The following NCOA2 variants were observed in gnomAD, a reference collection of about 807,000 sequenced individuals.
The protein encoded by NCOA2 is nuclear receptor coactivator 2.
In NCOA2, 21 loss-of-function variants were observed where a neutral mutation model predicts 145.1. The ratio of observed to expected loss-of-function variants is 0.14; its 90% CI spans 0.10 to 0.21. The LOEUF is 0.21. NCOA2 is among the 10% of genes least tolerant of loss of function. The pLI, the probability that NCOA2 is intolerant of heterozygous loss-of-function variation, is 1.00. For missense variants in NCOA2, 1,472 were observed against 1,837.6 expected (o/e 0.80, Z 3.64); for synonymous variants, 619 against 637.5 (o/e 0.97, Z 0.44).
Position 70,110,747 on chromosome 8 carries a change from G to A in NCOA2, c.*2885C>T, listed in dbSNP as rs1806467442. The A allele has an allele frequency of 4.5e-6, 1 of 223,312 alleles. No homozygotes were observed. Among genetic ancestry groups the A allele is most frequent in the South Asian group, 1.8e-4 (1 of 5,430 alleles). The allele number at this position is 223,312 out of a possible 1,614,324, so 13.8% of individuals were successfully genotyped here. On this transcript the variant is annotated 3_prime_UTR_variant, in exon 23 of 23. Transcript: ENST00000452400. ...ACAGGCCATAAGAGATACACATAGG[G>A]GGAGGGGCATTTTAATCTTTGAGTC...
intron 7 of NCOA2, among the ~76,000 whole-genome samples, chr8:70,166,352 C>G (rs537344666): frequency 6.6e-6 from 1 of 152,222 alleles, no homozygotes; most frequent in Non-Finnish European, 1.5e-5. Flanking sequence ...CCACACCAGA[C>G]AGTGAAGATA....
At chr8:70,175,425 C>T (rs889269932) in intron 4 of NCOA2, among the ~76,000 whole-genome samples, 3 of 152,240 alleles carry the variant, frequency 2.0e-5, no homozygotes, top group African/African-American at 2.4e-5. Flanking sequence ...AGTGCTTCTC[C>T]ATCTAAGAGG....
At chr8:70,356,641 C>T (rs1351720276) in intron 1 of NCOA2, among the ~76,000 whole-genome samples, 1 of 152,184 alleles carries the variant, frequency 6.6e-6, no homozygotes, top group Non-Finnish European at 1.5e-5. Context: ...TTTAAAACTA[C>T]TGAACATCCC....
At chr8:70,168,313 CATTTT>C (rs1452446675) in intron 6 of NCOA2, among the ~76,000 whole-genome samples, 1 of 152,132 alleles carries the variant, frequency 6.6e-6, no homozygotes, top group Non-Finnish European at 1.5e-5. Flanking sequence ...TCAGCATCAG[CATTTT>C]ATTTTATTAT....
the NCOA2 span, among the ~76,000 whole-genome samples, chr8:70,439,834 C>T: frequency 6.6e-6 from 1 of 152,180 alleles, no homozygotes; most frequent in South Asian, 2.1e-4. Flanking sequence ...TTCAGGGCTG[C>T]CCCTGTCAGA....
chr8:70,346,576 T>C (rs1272571738), intron 1 of NCOA2, among the ~76,000 whole-genome samples: 1 of 152,198 alleles, frequency 6.6e-6, no homozygotes, highest in African/African-American at 2.4e-5. Flanking sequence ...AAGAACATCA[T>C]TTATCACACA....
chr8:70,124,395 G>T (rs1011507580), intron 20 of NCOA2, among the ~76,000 whole-genome samples: 2 of 151,322 alleles, frequency 1.3e-5, no homozygotes, highest in African/African-American at 4.9e-5. Context: ...TCATGCAAGC[G>T]ATATCAAGCA....
chr8:70,163,296 G>GT (rs978834883), intron 8 of NCOA2, among the ~76,000 whole-genome samples, 169 bp downstream of exon 8: 9 of 152,184 alleles, frequency 5.9e-5, no homozygotes, highest in Non-Finnish European at 1.3e-4. Flanking sequence ...AGGGTATACA[G>GT]TGAGAGCCAG....
intron 2 of NCOA2, among the ~76,000 whole-genome samples, chr8:70,258,680 C>T (rs1823864598): frequency 6.6e-6 from 1 of 152,194 alleles, no homozygotes; most frequent in African/African-American, 2.4e-5. Flanking sequence ...AGTAACCCCA[C>T]CACCAATAAC....
Position 70,121,194 on chromosome 8 carries a change from G to A in NCOA2, c.4383+108C>T, listed in dbSNP as rs141567104. 670 of 870,162 alleles carry A rather than the reference G, an allele frequency of 7.7e-4. 6 individuals carry two copies. In the African/African-American group the frequency reaches 9.5e-3, roughly 12 times the overall value. 53.9% of individuals were successfully genotyped at this position (870,162 alleles called of 1,614,324 possible). ...CAGATGAAACCAGAAGATATTTTACGATTATCTTTAATCTACTGGTTGACA... is the reference window on the plus strand; with the variant it reads ...CAGATGAAACCAGAAGATATTTTACAATTATCTTTAATCTACTGGTTGACA... On this transcript the variant is annotated intron_variant, in intron 22 of 22. Transcript: ENST00000452400.
rs1806539756 is a variant in NCOA2, at chr8:70,111,583, T to G, written c.*2049A>C. 1 of 216,718 alleles carries G rather than the reference T, an allele frequency of 4.6e-6. No individual in the cohort carries two copies. The highest frequency in any genetic ancestry group is 1.9e-4 in the South Asian group (1 of 5,386). The allele number at this position is 216,718 out of a possible 1,614,324, so 13.4% of individuals were successfully genotyped here. ...TGAGAAGTGTTGTTCCTTGGCCACCTCCCTGTATTGAGACCCCTCTCAAGT... is the reference window on the plus strand; with the variant it reads ...TGAGAAGTGTTGTTCCTTGGCCACCGCCCTGTATTGAGACCCCTCTCAAGT... On this transcript the variant is annotated 3_prime_UTR_variant, in exon 23 of 23. Transcript: ENST00000452400.
chr8:70,359,204 T>C (rs7823768), intron 1 of NCOA2, among the ~76,000 whole-genome samples: 8,467 of 152,248 alleles, frequency 0.056, 301 homozygotes, highest in East Asian at 0.16. Flanking sequence ...AGAATTACCA[T>C]ATAACCCAGC....
At chr8:70,308,479 ATG>A (rs971603088) in intron 1 of NCOA2, among the ~76,000 whole-genome samples, 40 of 151,986 alleles carry the variant, frequency 2.6e-4, no homozygotes, top group African/African-American at 8.4e-4. Context: ...ATACACATAT[ATG>A]TGTGTGTGTG....
At chr8:70,323,554 T>G (rs1014858600) in intron 1 of NCOA2, among the ~76,000 whole-genome samples, 5 of 152,136 alleles carry the variant, frequency 3.3e-5, no homozygotes, top group Admixed American at 3.3e-4. Flanking sequence ...ATCTGGAAAT[T>G]TAACAAAATT....
chr8:70,238,964 G>T (rs888099005), intron 2 of NCOA2, among the ~76,000 whole-genome samples: 3 of 152,086 alleles, frequency 2.0e-5, no homozygotes, highest in African/African-American at 4.8e-5. Flanking sequence ...AGAAACAATA[G>T]ATTTTTGTGT....
At position 70,112,748 on chromosome 8, in the gene NCOA2, A is replaced by T. The variant is rs928434534; in HGVS notation, c.*884T>A. 11 of 208,268 alleles carry T rather than the reference A, an allele frequency of 5.3e-5. No homozygotes were observed. The highest frequency in any genetic ancestry group is 1.2e-4 in the Admixed American group (2 of 16,944). 12.9% of individuals were successfully genotyped at this position (208,268 alleles called of 1,614,324 possible). ...GTTTCTGTAGCTTATATTATTTTTTAAAAAAGGAATGAAAATAGGGAGTAT... is the reference window on the plus strand; with the variant it reads ...GTTTCTGTAGCTTATATTATTTTTTTAAAAAGGAATGAAAATAGGGAGTAT... On this transcript the variant is annotated 3_prime_UTR_variant, in exon 23 of 23. Transcript: ENST00000452400.
chr8:70,371,588 C>T (rs72663985), intron 1 of NCOA2, among the ~76,000 whole-genome samples: 4,672 of 152,192 alleles, frequency 0.031, 95 homozygotes, highest in South Asian at 0.064. Flanking sequence ...TATAGATATT[C>T]CTAATATTCT....
chr8:70,444,539 G>T, the NCOA2 span, among the ~76,000 whole-genome samples: 1 of 152,280 alleles, frequency 6.6e-6, no homozygotes, highest in South Asian at 2.1e-4. Flanking sequence ...AACAGAATAA[G>T]ATTGCTGGAC....
At chr8:70,445,472 G>A in the NCOA2 span, among the ~76,000 whole-genome samples, 1 of 152,190 alleles carries the variant, frequency 6.6e-6, no homozygotes, top group Non-Finnish European at 1.5e-5. Context: ...TGTAACGAGA[G>A]AAAGAGGAGG....
Sources: allele counts gnomAD v4.1 joint callset (sites outside exome capture counted in the v4.1 genomes callset), GRCh38; gene constraint gnomAD v4.1.1; transcripts MANE v1.5; gene names NCBI Gene and HGNC (gene_info 2026-07-23, HGNC 2026-07-21).